The following TSPAN9 variants were observed in gnomAD, a reference collection of about 807,000 sequenced individuals.
TSPAN9 encodes tetraspanin 9.
A neutral mutation model predicts 31.0 loss-of-function variants in TSPAN9; 16 were observed. The observed-to-expected ratio is 0.52, with a 90% CI of 0.35 to 0.78. The LOEUF (loss-of-function observed/expected upper bound fraction) is 0.78, where lower values mean the gene tolerates loss of function less well. Among genes scored for constraint, TSPAN9 ranks in the 30% least tolerant of loss-of-function variants. The probability of loss-of-function intolerance (pLI) is 0.01; values close to 1 mark genes in which losing one functional copy is unlikely to be tolerated. For synonymous variants in TSPAN9, 145 were observed against 121.6 expected (o/e 1.19, Z -1.27); for missense variants, 272 against 312.5 (o/e 0.87, Z 0.98).
intron 3 of TSPAN9, among the ~76,000 whole-genome samples, chr12:3,262,257 C>T (rs981265388): frequency 3.9e-5 from 6 of 152,174 alleles, no homozygotes; most frequent in Non-Finnish European, 7.3e-5. Context: ...TTTTGGCTCC[C>T]GTGCCAGCCT....
At chr12:3,210,730 A>T (rs1247697569) in intron 3 of TSPAN9, among the ~76,000 whole-genome samples, 2 of 145,904 alleles carry the variant, frequency 1.4e-5, no homozygotes. Context: ...ATGCTATCTC[A>T]TGGATGTCTT....
chr12:3,189,009 G>A (rs1013265769), intron 2 of TSPAN9, among the ~76,000 whole-genome samples: 23 of 152,328 alleles, frequency 1.5e-4, no homozygotes, highest in African/African-American at 2.4e-4. Context: ...AGAGGAGCGC[G>A]GGTGAGCTCT....
chr12:3,109,307 A>AGAGAGAGTGTGTGTGT (rs560687812), intron 2 of TSPAN9, among the ~76,000 whole-genome samples: 2 of 143,320 alleles, frequency 1.4e-5, no homozygotes, highest in African/African-American at 5.5e-5. Context: ...TGTGAGAGAG[A>AGAGAGAGTGTGTGTGT]GTGTGTGTGT....
chr12:3,260,318 T>C lies in TSPAN9; in HGVS notation c.64-18103T>C, dbSNP rs1035918101. On this transcript the variant is annotated intron_variant, in intron 3 of 8. Transcript: ENST00000011898. ...CTCATTAGCAGTCCCTGTTGTCACA[T>C]GCCTTGGGGTGGGGATGCAGGTTTG... Among the ~76,000 whole-genome samples the C allele has an allele frequency of 3.3e-5, 5 of 152,374 alleles. No individual in the cohort carries two copies. In the East Asian group the frequency reaches 5.8e-4, roughly 18 times the overall value.
At chr12:3,224,733 G>A (rs2098386273) in intron 3 of TSPAN9, among the ~76,000 whole-genome samples, 1 of 152,256 alleles carries the variant, frequency 6.6e-6, no homozygotes, top group Non-Finnish European at 1.5e-5. Context: ...GATGGGCGGG[G>A]GTAATGACAG....
intron 3 of TSPAN9, among the ~76,000 whole-genome samples, chr12:3,240,250 C>T (rs2098395920): frequency 6.6e-6 from 1 of 152,052 alleles, no homozygotes; most frequent in African/African-American, 2.4e-5. Context: ...TTGAGGGGTG[C>T]GTTTGGAGTC....
chr12:3,123,128 G>A (rs1180746110), intron 2 of TSPAN9, among the ~76,000 whole-genome samples: 1 of 152,152 alleles, frequency 6.6e-6, no homozygotes, highest in Non-Finnish European at 1.5e-5. Context: ...AGAGTGGCTG[G>A]ACAATGCCAC....
intron 2 of TSPAN9, among the ~76,000 whole-genome samples, chr12:3,121,983 G>C (rs1436715022): frequency 3.3e-5 from 5 of 152,116 alleles, no homozygotes; most frequent in Non-Finnish European, 5.9e-5. Flanking sequence ...TTTAAACTGT[G>C]AACCATCCTG....
At chr12:3,211,648 T>C (rs2098378787) in intron 3 of TSPAN9, 3 of 1,374,132 alleles carry the variant, frequency 2.2e-6, no homozygotes, top group Admixed American at 3.6e-5. Flanking sequence ...CCACTCATCT[T>C]GACTCAGAGT....
chr12:3,259,305 T>C (rs1232304802), intron 3 of TSPAN9, among the ~76,000 whole-genome samples: 6 of 152,234 alleles, frequency 3.9e-5, no homozygotes, highest in Non-Finnish European at 8.8e-5. Context: ...AGTACCCTGC[T>C]ACCACTCCCA....
intron 2 of TSPAN9, among the ~76,000 whole-genome samples, chr12:3,121,041 T>G (rs2098324829): frequency 8.7e-6 from 1 of 114,620 alleles, no homozygotes; most frequent in Admixed American, 8.4e-5. Context: ...TCACAGGACC[T>G]GTCTGAGTTT....
intron 2 of TSPAN9, among the ~76,000 whole-genome samples, chr12:3,129,795 AAGGGTAGG>A (rs1397200309): frequency 6.6e-6 from 1 of 152,128 alleles, no homozygotes; most frequent in Non-Finnish European, 1.5e-5. Flanking sequence ...TGGGCAGCTC[AAGGGTAGG>A]ATGAACGGTT....
At chr12:3,130,343 T>C (rs1346385157) in intron 2 of TSPAN9, among the ~76,000 whole-genome samples, 1 of 152,188 alleles carries the variant, frequency 6.6e-6, no homozygotes, top group Non-Finnish European at 1.5e-5. Flanking sequence ...TCCCCAAATG[T>C]TTACTTGATC....
intron 2 of TSPAN9, among the ~76,000 whole-genome samples, chr12:3,199,676 G>C (rs1425096314): frequency 6.6e-6 from 1 of 152,210 alleles, no homozygotes; most frequent in Non-Finnish European, 1.5e-5. Flanking sequence ...AGAACGCGGG[G>C]CAAGGGTTCG....
chr12:3,247,783 G>A (rs1232466110), intron 3 of TSPAN9, among the ~76,000 whole-genome samples: 1 of 152,214 alleles, frequency 6.6e-6, no homozygotes, highest in African/African-American at 2.4e-5. Flanking sequence ...GGCTGTGCTT[G>A]TGGTTTCCCT....
intron 2 of TSPAN9, among the ~76,000 whole-genome samples, chr12:3,190,650 G>A (rs1024722856): frequency 1.1e-4 from 17 of 152,204 alleles, no homozygotes; most frequent in African/African-American, 2.4e-4. Context: ...TATCAGCCCC[G>A]TTCTTCTAGG....
At chr12:3,250,911 G>A (rs1008028764) in intron 3 of TSPAN9, among the ~76,000 whole-genome samples, 1 of 152,210 alleles carries the variant, frequency 6.6e-6, no homozygotes, top group Admixed American at 6.5e-5. Context: ...GGACCGGGGT[G>A]ACAGGGTGGC....
intron 3 of TSPAN9, among the ~76,000 whole-genome samples, chr12:3,256,977 C>T (rs1344337915): frequency 5.3e-5 from 8 of 152,232 alleles, no homozygotes; most frequent in East Asian, 3.9e-4. Context: ...AGTTGAATAT[C>T]GAGGGTGAGT....
Position 3,143,143 on chromosome 12 carries a change from C to CTGTGT in TSPAN9, c.-17-58033_-17-58029dup, listed in dbSNP as rs2153967921. 6.6e-6 allele frequency among the ~76,000 whole-genome samples: 1 copy of CTGTGT among 152,044 alleles called. No homozygotes were observed. The highest frequency in any genetic ancestry group is 2.1e-4 in the South Asian group (1 of 4,818). On this transcript the variant is annotated intron_variant, in intron 2 of 8. Transcript: ENST00000011898. The surrounding 1 kb of genome is among the most constrained non-coding windows in gnomAD (Gnocchi z 4.2). ...TGTGGCATCAAGGGGAATGTGATGTCTGTGTGTCTTATTACTGGTGATGAT... is the reference window on the plus strand; with the variant it reads ...TGTGGCATCAAGGGGAATGTGATGTCTGTGTTGTGTGTCTTATTACTGGTGATGAT...
Sources: allele counts gnomAD v4.1 joint callset (sites outside exome capture counted in the v4.1 genomes callset), GRCh38; gene constraint gnomAD v4.1.1; non-coding constraint Gnocchi (gnomAD v3.1); transcripts MANE v1.5; gene names NCBI Gene and HGNC (gene_info 2026-07-23, HGNC 2026-07-21).